ST8SIA2: variants seen among roughly 807,000 people sequenced by gnomAD.
ST8SIA2 encodes ST8 alpha-N-acetyl-neuraminide alpha-2,8-sialyltransferase 2, also known as alpha-2,8-sialyltransferase 8B.
ST8SIA2 carries 22 observed loss-of-function variants against 37.6 expected under a neutral mutation model. The observed-to-expected ratio is 0.58, with a 90% CI of 0.42 to 0.83. ST8SIA2 has a LOEUF of 0.83. ST8SIA2 is among the 40% of genes least tolerant of loss of function. The pLI is 0.00. For synonymous variants in ST8SIA2, 205 were observed against 201.2 expected, an observed-to-expected ratio of 1.02 and a Z score of -0.16; for missense variants, 382 against 484.7, an observed-to-expected ratio of 0.79 and a Z score of 1.99.
Position 92,444,708 on chromosome 15 carries a change from C to G in ST8SIA2, c.621C>G (p.Pro207=), listed in dbSNP as rs2305561. 0.14 allele frequency: 233,694 copies of G among 1,614,126 alleles called. 23,940 individuals carry two copies. Among genetic ancestry groups the G allele is most frequent in the African/African-American group, 0.54 (40,260 of 74,998 alleles). The change falls in exon 5 of 6, where the codon CCC becomes CCG. Residue 207 remains proline (P), a synonymous_variant. Transcript: ENST00000268164. ...AGACAGACCTGGTAACCATGAACCC[C>G]TCGGTCATCCAGCGGGCCTTTGAGG... The part of the protein sequence containing the change: ...GLKTDLVTMN[P]SVIQRAFEDL...
At chr15:92,394,419 C>T (rs895679635) in intron 1 of ST8SIA2, among the ~76,000 whole-genome samples, 5 of 152,022 alleles carry the variant, frequency 3.3e-5, no homozygotes, top group African/African-American at 1.2e-4. Flanking sequence ...CGTCGGGAAG[C>T]GGACTCGCCC....
At chr15:92,394,209 C>T in intron 1 of ST8SIA2, 47 bp downstream of exon 1, 2 of 1,467,008 alleles carry the variant, frequency 1.4e-6, no homozygotes, top group South Asian at 1.2e-5. Context: ...GGCGGGATCT[C>T]TCCCTCCTTC....
At chr15:92,428,060 G>T (rs2049689549) in intron 1 of ST8SIA2, among the ~76,000 whole-genome samples, 1 of 152,158 alleles carries the variant, frequency 6.6e-6, no homozygotes, top group African/African-American at 2.4e-5. Flanking sequence ...GGTACTCCTG[G>T]TACTCGTCGT....
intron 3 of ST8SIA2, among the ~76,000 whole-genome samples, chr15:92,434,985 C>T (rs186696783): frequency 1.9e-4 from 29 of 152,308 alleles, no homozygotes; most frequent in South Asian, 8.3e-4. Context: ...CAGCCATCAT[C>T]GGGTAGTGGC....
At chr15:92,395,105 C>T (rs2049421019) in intron 1 of ST8SIA2, among the ~76,000 whole-genome samples, 1 of 152,138 alleles carries the variant, frequency 6.6e-6, no homozygotes, top group Non-Finnish European at 1.5e-5. Flanking sequence ...GGGCCGGGCC[C>T]CTCTCCGGAA....
intron 5 of ST8SIA2, among the ~76,000 whole-genome samples, chr15:92,460,920 G>A (rs969027346): frequency 3.3e-5 from 5 of 152,262 alleles, no homozygotes; most frequent in South Asian, 4.2e-4. Context: ...GGCCTGAGTC[G>A]AGGACACGCT....
At chr15:92,414,130 C>T (rs1596232953) in intron 1 of ST8SIA2, among the ~76,000 whole-genome samples, 1 of 152,220 alleles carries the variant, frequency 6.6e-6, no homozygotes, top group Non-Finnish European at 1.5e-5. Context: ...ACAGCCTGAA[C>T]GTCCTGATGG....
At chr15:92,443,587 C>T (rs1328816144) in intron 4 of ST8SIA2, among the ~76,000 whole-genome samples, 3 of 152,108 alleles carry the variant, frequency 2.0e-5, no homozygotes, top group Admixed American at 6.5e-5. Flanking sequence ...CCCTCAGTGG[C>T]TCCCTATTGC....
chr15:92,439,378 CA>C (rs1555452973), intron 4 of ST8SIA2, among the ~76,000 whole-genome samples: 2 of 152,222 alleles, frequency 1.3e-5, no homozygotes, highest in Non-Finnish European at 2.9e-5. Context: ...CATTTGCACA[CA>C]AGGTTGCCCA....
chr15:92,451,833 G>A (rs146292642), intron 5 of ST8SIA2, among the ~76,000 whole-genome samples: 11 of 152,196 alleles, frequency 7.2e-5, no homozygotes, highest in African/African-American at 2.7e-4. Flanking sequence ...GGCTGGTTAG[G>A]GACAGATCCA....
chr15:92,398,763 A>T (rs1234764424), intron 1 of ST8SIA2, among the ~76,000 whole-genome samples: 1 of 152,198 alleles, frequency 6.6e-6, no homozygotes, highest in Admixed American at 6.5e-5. Context: ...GAAGGCCGAA[A>T]CCCATGCATG....
At chr15:92,395,776 C>T (rs896642618) in intron 1 of ST8SIA2, among the ~76,000 whole-genome samples, 1 of 152,174 alleles carries the variant, frequency 6.6e-6, no homozygotes, top group African/African-American at 2.4e-5. Context: ...GGGCACTGCC[C>T]GGCTCAGATC....
At chr15:92,428,612 G>A (rs1013355165) in intron 1 of ST8SIA2, among the ~76,000 whole-genome samples, 2 of 152,264 alleles carry the variant, frequency 1.3e-5, no homozygotes, top group East Asian at 1.9e-4. Context: ...GAGCTGACCC[G>A]ACATTCCCGG....
rs34156050 is a variant in ST8SIA2 at position 92,464,072 on chromosome 15, CTTTTTT to C, written c.843-10_843-5del. ...TGACTCACAGACCCATGTTTCTTTT[CTTTTTT>C]TTTTTTTTTTTTTTTTTCCAGATAC... On this transcript the variant is annotated intron_variant, in intron 5 of 5. Coordinates refer to ENST00000268164, the MANE Select transcript of ST8SIA2 (RefSeq NM_006011.4). 311 of 1,273,382 alleles carry C rather than the reference CTTTTTT, an allele frequency of 2.4e-4. No individual in the cohort carries two copies. In the Middle Eastern group the frequency reaches 3.6e-3, roughly 15 times the overall value. 78.9% of individuals were successfully genotyped at this position (1,273,382 alleles called of 1,614,324 possible).
In ST8SIA2 at chr15:92,468,587, A is replaced by C. The variant is rs973062588; in HGVS notation, c.*4202A>C. On this transcript the variant is annotated 3_prime_UTR_variant, in exon 6 of 6. Transcript: ENST00000268164. ...TGCCTTGTATTATAGTTATTTGTGC[A>C]CTTGTCCTTTGACTGTTCTTAGACT... The C allele has an allele frequency of 7.9e-5, 12 of 152,674 alleles. No homozygotes were observed. The highest frequency in any genetic ancestry group is 2.9e-4 in the African/African-American group (12 of 41,460). 9.5% of individuals were successfully genotyped at this position (152,674 alleles called of 1,614,324 possible). A position where few individuals can be genotyped will look rare whatever the true frequency, so the allele number is the denominator to read the frequency against.
chr15:92,441,951 G>A (rs2049806320), intron 4 of ST8SIA2, among the ~76,000 whole-genome samples: 1 of 152,140 alleles, frequency 6.6e-6, no homozygotes, highest in South Asian at 2.1e-4. Context: ...TCTTCAATGT[G>A]TACCTGTAGG....
intron 1 of ST8SIA2, among the ~76,000 whole-genome samples, chr15:92,410,432 A>C (rs1450935310): frequency 6.6e-6 from 1 of 152,222 alleles, no homozygotes; most frequent in African/African-American, 2.4e-5. Flanking sequence ...ACGTCCTGAT[A>C]AACTTGCAGG....
Position 92,430,172 on chromosome 15 carries a change from C to A in ST8SIA2, c.161+61C>A. 6 of 1,502,154 alleles carry A rather than the reference C, an allele frequency of 4.0e-6. No homozygotes were observed. The South Asian group carries it at 6.9e-5, about 17-fold the overall frequency. 93.1% of individuals were successfully genotyped at this position (1,502,154 alleles called of 1,614,324 possible). A position where few individuals can be genotyped will look rare whatever the true frequency, so the allele number is the denominator to read the frequency against. ...CTGTAAGGCAGCTATTAATCTGCTT[C>A]TCTTCTTTGCTGGATGGTGCCCTTC... On this transcript the variant is annotated intron_variant, in intron 2 of 5. Coordinates refer to ENST00000268164, the MANE Select transcript of ST8SIA2 (RefSeq NM_006011.4).
intron 1 of ST8SIA2, among the ~76,000 whole-genome samples, chr15:92,406,501 T>G (rs904280149): frequency 2.6e-5 from 4 of 152,238 alleles, no homozygotes; most frequent in East Asian, 3.9e-4. Flanking sequence ...CTGCCGAATC[T>G]GAATCCGCTC....
Sources: allele counts gnomAD v4.1 joint callset (sites outside exome capture counted in the v4.1 genomes callset), GRCh38; gene constraint gnomAD v4.1.1; transcripts MANE v1.5; gene names NCBI Gene and HGNC (gene_info 2026-07-23, HGNC 2026-07-21).